ACOX1: variants seen among roughly 807,000 people sequenced by gnomAD.
ACOX1 encodes acyl-CoA oxidase 1.
In ACOX1, 41 loss-of-function variants were observed where a neutral mutation model predicts 75.5. The observed-to-expected ratio is 0.54, with a 90% confidence interval of 0.42 to 0.70. The LOEUF is 0.70. Ranked by LOEUF, ACOX1 falls within the 30% of genes least tolerant of loss-of-function variation. ACOX1 has a pLI of 0.00. For missense variants in ACOX1, 630 were observed against 837.5 expected (o/e 0.75, Z 3.06); for synonymous variants, 303 against 298.8 (o/e 1.01, Z -0.15).
In ACOX1 at chr17:75,955,665, G is replaced by A; in HGVS notation, c.675C>T (p.Asp225=). 1 of 1,614,072 alleles carries A rather than the reference G, an allele frequency of 6.2e-7. No homozygotes were observed. Among genetic ancestry groups the A allele is most frequent in the Non-Finnish European group, 8.5e-7 (1 of 1,179,920 alleles). Residue 225 remains aspartate, a synonymous_variant, in exon 6 of 14, where the codon GAC becomes GAT. Coordinates refer to ENST00000293217, the MANE Select transcript of ACOX1 (RefSeq NM_004035.7). ...CATCATAACCAAATTTGGGGCCGATGTCACCAACGGTAATTCCTACCACAG... is the reference window on the plus strand; with the variant it reads ...CATCATAACCAAATTTGGGGCCGATATCACCAACGGTAATTCCTACCACAG... ...HKPLPGITVG[D]IGPKFGYDEI... is the part of the protein sequence containing the mutation.
chr17:75,976,991 CTTTTTTTTT>C (rs1019883355), intron 2 of ACOX1, among the ~76,000 whole-genome samples: 2 of 78,902 alleles, frequency 2.5e-5, no homozygotes, highest in African/African-American at 5.1e-5. Flanking sequence ...GCAAAAAAGT[CTTTTTTTTT>C]TTTTTTTTTT....
chr17:75,944,535 C>A lies in ACOX1; in HGVS notation c.*2213G>T, dbSNP rs2065702327. The A allele has an allele frequency of 6.6e-6, 1 of 152,104 alleles. No individual in the cohort carries two copies. 9.4% of individuals were successfully genotyped at this position (152,104 alleles called of 1,614,324 possible). On this transcript the variant is annotated 3_prime_UTR_variant, in exon 14 of 14. Coordinates refer to ENST00000293217, the MANE Select transcript of ACOX1 (RefSeq NM_004035.7). ...CCACTCAGGCAGGTATCACTCCTTC[C>A]TTTTTTGTTCTTAGTGTTCCCTAAA...
chr17:75,966,240 C>T (rs922535131), intron 2 of ACOX1, among the ~76,000 whole-genome samples: 64 of 151,406 alleles, frequency 4.2e-4, no homozygotes, highest in Admixed American at 2.0e-3. Context: ...GGGTGGATCA[C>T]GGGGTCAGGA....
chr17:75,963,246 T>C (rs867981401), intron 2 of ACOX1, among the ~76,000 whole-genome samples: 6 of 152,220 alleles, frequency 3.9e-5, no homozygotes, highest in Non-Finnish European at 7.4e-5. Flanking sequence ...ATTTGGGCAA[T>C]GGGTACTGCA....
At chr17:75,947,575 G>A (rs2065733230) in intron 13 of ACOX1, among the ~76,000 whole-genome samples, 1 of 152,166 alleles carries the variant, frequency 6.6e-6, no homozygotes, top group South Asian at 2.1e-4. Flanking sequence ...GGAGGAGGGG[G>A]ATGAAGGTTC....
intron 2 of ACOX1, among the ~76,000 whole-genome samples, chr17:75,976,991 CTTTTTTTTTT>C (rs1019883355): frequency 3.8e-5 from 3 of 78,902 alleles, no homozygotes; most frequent in South Asian, 4.7e-4. Flanking sequence ...GCAAAAAAGT[CTTTTTTTTTT>C]TTTTTTTTTT....
intron 2 of ACOX1, among the ~76,000 whole-genome samples, chr17:75,961,759 CAAAAAAAAA>C (rs61575984): frequency 1.9e-5 from 1 of 53,036 alleles, no homozygotes; most frequent in Non-Finnish European, 4.0e-5. Flanking sequence ...GACTCTGTCT[CAAAAAAAAA>C]AAAAAAAAAA....
At chr17:75,947,579 A>G (rs1447159201) in intron 13 of ACOX1, among the ~76,000 whole-genome samples, 1 of 152,114 alleles carries the variant, frequency 6.6e-6, no homozygotes, top group Non-Finnish European at 1.5e-5. Flanking sequence ...GAGGGGGATG[A>G]AGGTTCAGAT....
At chr17:75,954,366 CA>C (rs2065802869) in intron 6 of ACOX1, among the ~76,000 whole-genome samples, 1 of 149,784 alleles carries the variant, frequency 6.7e-6, no homozygotes, top group Non-Finnish European at 1.5e-5. Flanking sequence ...ACTAAAAATA[CA>C]AAACAATTAG....
At chr17:75,976,962 A>T (rs903035930) in intron 2 of ACOX1, among the ~76,000 whole-genome samples, 5 of 144,648 alleles carry the variant, frequency 3.5e-5, no homozygotes, top group African/African-American at 1.3e-4. Context: ...ATCATGTAAT[A>T]GTGTTTGTTT....
At chr17:75,955,743 C>G in intron 5 of ACOX1, 62 bp from the exon 6 acceptor site, 1 of 1,611,542 alleles carries the variant, frequency 6.2e-7, no homozygotes, top group Admixed American at 1.7e-5. Flanking sequence ...GCTTTTGCTC[C>G]GCCTCTTCAG....
At chr17:75,949,993 G>T in intron 9 of ACOX1, 96 bp from the exon 10 acceptor site, 1 of 1,344,578 alleles carries the variant, frequency 7.4e-7, no homozygotes, top group Non-Finnish European at 1.0e-6. Flanking sequence ...TGGATGGAGT[G>T]CAATGGCCAG....
Position 75,960,020 on chromosome 17 carries a change from T to C in ACOX1, c.430+195A>G, listed in dbSNP as rs1227967576. 6.6e-6 allele frequency among the ~76,000 whole-genome samples: 1 copy of C among 152,188 alleles called. No individual in the cohort carries two copies. Among genetic ancestry groups the C allele is most frequent in the Non-Finnish European group, 1.5e-5 (1 of 68,038 alleles). On this transcript the variant is annotated intron_variant, in intron 3 of 13. Transcript: ENST00000293217. The surrounding 1 kb of genome is among the most constrained non-coding windows in gnomAD (Gnocchi z 4.4). ...AACTATGGTATAAAAAGGACAATCA[T>C]TTTATCAGTATCATGGTCTTTAATT...
Position 75,958,439 on chromosome 17 carries a change from T to TG in ACOX1, c.431-874dup, listed in dbSNP as rs1239748507. 3.6e-5 allele frequency among the ~76,000 whole-genome samples: 5 copies of TG among 137,060 alleles called. No individual in the cohort carries two copies. The East Asian group carries it at 8.4e-4, about 23-fold the overall frequency. The allele number at this position is 137,060 out of a possible 152,430, so 89.9% of individuals were successfully genotyped here. On this transcript the variant is annotated intron_variant, in intron 3 of 13. Transcript: ENST00000293217. The stretch of plus-strand genomic sequence containing the variant: ...ATCCCAGCACTTTGGGAGGCCGAGG[T>TG]GGGGGGATCACGAGGTCAGGAGATT...
In ACOX1 at chr17:75,950,971, G is replaced by C; in HGVS notation, c.1108-7C>G. On this transcript the variant is annotated splice_region_variant and splice_polypyrimidine_tract_variant and intron_variant, in intron 8 of 13. Coordinates refer to ENST00000293217, the MANE Select transcript of ACOX1 (RefSeq NM_004035.7). The surrounding 1 kb of genome is among the most constrained non-coding windows in gnomAD (Gnocchi z 4.3). ...CAGCGGTGAGGGCATGAAGCTGAGA[G>C]GACAAGCACAGATCTGTCAGGACAT... The C allele has an allele frequency of 1.2e-6, 2 of 1,613,638 alleles. No homozygotes were observed.
In ACOX1 at chr17:75,949,487, C is replaced by T. The variant is rs1412977160; in HGVS notation, c.1584+8G>A. 1 of 1,613,788 alleles carries T rather than the reference C, an allele frequency of 6.2e-7. No individual in the cohort carries two copies. The highest frequency in any genetic ancestry group is 1.7e-5 in the Admixed American group (1 of 60,020). ...AGGGAAGGGGAAAAAGAGAGAACTA[C>T]CACTGACCTCACTTGCTCGAACAAG... On this transcript the variant is annotated splice_region_variant and intron_variant, in intron 11 of 13. Transcript: ENST00000293217.
At chr17:75,971,741 CAAA>C (rs11324447) in intron 2 of ACOX1, among the ~76,000 whole-genome samples, 5 of 116,030 alleles carry the variant, frequency 4.3e-5, no homozygotes, top group Non-Finnish European at 3.8e-5. Flanking sequence ...GACTCTGACT[CAAA>C]AAAAAAAAAA....
Position 75,946,786 on chromosome 17 carries a change from A to T in ACOX1, c.1945T>A (p.Ser649Thr). Residue 649 changes from serine to threonine, a missense_variant, in exon 14 of 14, where the codon TCT becomes ACT. Physicochemically the swap from Ser to Thr is moderately conservative, Grantham distance 58. Around this residue, in one of 2 missense-constraint regions of ACOX1, gnomAD observed 240 missense variants for 262.7 expected, o/e 0.91. Transcript: ENST00000293217. Reference sequence around the variant, plus strand: ...TGCAGTGACTTCAGGTGCTTGTAAGATTCGTGGACCTGTGGGGAAAGGAGA... The same window carrying T: ...TGCAGTGACTTCAGGTGCTTGTAAGTTTCGTGGACCTGTGGGGAAAGGAGA... ...SPLNKAEVHE[S>T]YKHLKSLQSK... The T allele has an allele frequency of 3.7e-6, 6 of 1,613,874 alleles. No individual in the cohort carries two copies. The highest frequency in any genetic ancestry group is 5.1e-6 in the Non-Finnish European group (6 of 1,179,796).
chr17:75,953,931 G>A (rs1456227888), intron 6 of ACOX1, among the ~76,000 whole-genome samples: 1 of 152,216 alleles, frequency 6.6e-6, no homozygotes, highest in East Asian at 1.9e-4. Context: ...AGTAAAAGAA[G>A]CATCAGAGTG....
Sources: allele counts gnomAD v4.1 joint callset (sites outside exome capture counted in the v4.1 genomes callset), GRCh38; gene constraint gnomAD v4.1.1; regional missense constraint gnomAD v4.1.1; non-coding constraint Gnocchi (gnomAD v3.1); transcripts MANE v1.5; gene names NCBI Gene and HGNC (gene_info 2026-07-23, HGNC 2026-07-21).